ENTPD1: variants seen among roughly 807,000 people sequenced by gnomAD.
The protein encoded by ENTPD1 is ectonucleoside triphosphate diphosphohydrolase 1.
ENTPD1 carries 33 observed loss-of-function variants against 57.0 expected under a neutral mutation model. That is an observed-to-expected ratio of 0.58 (90% CI 0.44 to 0.77). The LOEUF is 0.77. ENTPD1 is among the 30% of genes least tolerant of loss of function. The pLI, the probability that ENTPD1 is intolerant of heterozygous loss-of-function variation, is 0.00. For synonymous variants in ENTPD1, 202 were observed against 218.8 expected (o/e 0.92, Z 0.68); for missense variants, 501 against 603.4 (o/e 0.83, Z 1.78).
chr10:95,860,566 C>T lies in ENTPD1; in HGVS notation c.1172C>T (p.Ala391Val), dbSNP rs1312715822. The change falls in exon 8 of 10, where the codon GCT becomes GTT. Residue 391 changes from alanine to valine, a missense_variant. Ala to Val is a moderately conservative substitution (Grantham distance 64, BLOSUM62 0). Coordinates refer to ENST00000371205, the MANE Select transcript of ENTPD1 (RefSeq NM_001776.6). ...KVTEMMKKFCAQPWEEIKTSY... is the reference protein window; with the variant it reads ...KVTEMMKKFCVQPWEEIKTSY... ...ACTGAGATGATGAAAAAGTTCTGTG[C>T]TCAGCCTTGGGAGGAGGTAAGTGAC... 2 of 1,613,718 alleles carry T rather than the reference C, an allele frequency of 1.2e-6. No individual in the cohort carries two copies. The highest frequency in any genetic ancestry group is 2.2e-5 in the East Asian group (1 of 44,864).
At chr10:95,750,673 G>A (rs769734265), upstream of ENTPD1, among the ~76,000 whole-genome samples, 5 of 152,184 alleles carry the variant, frequency 3.3e-5, no homozygotes, top group African/African-American at 4.8e-5. Context: ...AGATATATAG[G>A]AGGACCAGGT....
intron 1 of ENTPD1, among the ~76,000 whole-genome samples, chr10:95,784,102 C>CTTTTTTTT (rs200561277): frequency 1.1e-4 from 15 of 134,594 alleles, no homozygotes; most frequent in South Asian, 2.3e-4. Context: ...TTTGCTTGTT[C>CTTTTTTTT]TTTTTTTTTT....
intron 2 of ENTPD1, chr10:95,833,380 A>AT (rs2098402017): frequency 6.6e-6 from 1 of 152,224 alleles, no homozygotes. Context: ...AAGGAAGAAA[A>AT]TGGTCTCTAA....
At chr10:95,694,997 T>G in the ENTPD1 span, among the ~76,000 whole-genome samples, 1 of 148,918 alleles carries the variant, frequency 6.7e-6, no homozygotes, top group Non-Finnish European at 1.5e-5. Flanking sequence ...GCCTCTAGGA[T>G]TCAGGTGATT....
intron 4 of ENTPD1, among the ~76,000 whole-genome samples, chr10:95,844,257 A>C (rs1396495750): frequency 1.3e-5 from 2 of 152,218 alleles, no homozygotes; most frequent in Non-Finnish European, 2.9e-5. Flanking sequence ...AAGGATTGGA[A>C]GGATGTGGAT....
chr10:95,810,992 G>T (rs1490816930), intron 1 of ENTPD1, among the ~76,000 whole-genome samples: 1 of 152,200 alleles, frequency 6.6e-6, no homozygotes, highest in Non-Finnish European at 1.5e-5. Flanking sequence ...TTTCTAAAGT[G>T]CAGATACTCT....
Position 95,872,444 on chromosome 10 carries a change from C to T in ENTPD1, c.*6061C>T. 8 of 985,424 alleles carry T rather than the reference C, an allele frequency of 8.1e-6. No homozygotes were observed. The highest frequency in any genetic ancestry group is 9.6e-6 in the Non-Finnish European group (8 of 829,902). 61.0% of individuals were successfully genotyped at this position (985,424 alleles called of 1,614,324 possible). Reference sequence around the variant, plus strand: ...GTTCACCCAACACCACTCAGGTTGTCTTCTCAACTTGGAATACTCTTGCAC... The same window carrying T: ...GTTCACCCAACACCACTCAGGTTGTTTTCTCAACTTGGAATACTCTTGCAC... On this transcript the variant is annotated 3_prime_UTR_variant, in exon 10 of 10. Transcript: ENST00000371205.
intron 1 of ENTPD1, among the ~76,000 whole-genome samples, chr10:95,781,686 C>T (rs912044555): frequency 1.7e-4 from 26 of 152,228 alleles, no homozygotes; most frequent in Middle Eastern, 3.4e-3. Context: ...AGGGTGGAAA[C>T]GAAAAGAGGG....
At chr10:95,858,048 C>G (rs931945628) in intron 7 of ENTPD1, among the ~76,000 whole-genome samples, 10 of 151,850 alleles carry the variant, frequency 6.6e-5, no homozygotes, top group Admixed American at 4.6e-4. Flanking sequence ...ATCCCAGCTA[C>G]TCGGGAGGCT....
Position 95,864,750 on chromosome 10 carries a change from G to A in ENTPD1, c.1215G>A (p.Lys405=). ...EEIKTSYAGV[K]EKYLSEYCFS... The stretch of plus-strand genomic sequence containing the variant: ...TAAAAACATCTTACGCTGGAGTAAA[G>A]GAGAAGTACCTGAGTGAATACTGCT... The change falls in exon 9 of 10, where the codon AAG becomes AAA. Residue 405 remains lysine, a synonymous_variant. Coordinates refer to ENST00000371205, the MANE Select transcript of ENTPD1 (RefSeq NM_001776.6). 1 of 1,614,132 alleles carries A rather than the reference G, an allele frequency of 6.2e-7. No individual in the cohort carries two copies. Among genetic ancestry groups the A allele is most frequent in the South Asian group, 1.1e-5 (1 of 91,078 alleles).
intron 1 of ENTPD1, among the ~76,000 whole-genome samples, chr10:95,808,753 C>G (rs1212112403): frequency 6.9e-6 from 1 of 145,858 alleles, no homozygotes; most frequent in Non-Finnish European, 1.5e-5. Context: ...GTTGATCATT[C>G]TTGGGTGTTT....
At chr10:95,737,429 A>G (rs1040207734) in intron 1 of ENTPD1, among the ~76,000 whole-genome samples, 2 of 152,022 alleles carry the variant, frequency 1.3e-5, no homozygotes, top group African/African-American at 4.8e-5. Flanking sequence ...CTGTCCCCCA[A>G]GCTGGAGTAC....
chr10:95,735,942 T>A (rs1156687149), intron 1 of ENTPD1, among the ~76,000 whole-genome samples: 1 of 151,862 alleles, frequency 6.6e-6, no homozygotes, highest in Non-Finnish European at 1.5e-5. Flanking sequence ...AGCTGAACAA[T>A]GAATTTGAAA....
intron 1 of ENTPD1, among the ~76,000 whole-genome samples, chr10:95,715,012 C>G (rs2097969897): frequency 6.6e-6 from 1 of 152,096 alleles, no homozygotes. Flanking sequence ...AGAGTTATTC[C>G]CCTCGGTTAT....
intron 1 of ENTPD1, among the ~76,000 whole-genome samples, chr10:95,788,215 A>C (rs1310337059): frequency 6.6e-6 from 1 of 152,216 alleles, no homozygotes; most frequent in South Asian, 2.1e-4. Flanking sequence ...TTTTTTAAGA[A>C]GGCAGATTTA....
chr10:95,771,751 A>G (rs1210769195), intron 1 of ENTPD1, among the ~76,000 whole-genome samples: 1 of 152,202 alleles, frequency 6.6e-6, no homozygotes, highest in Non-Finnish European at 1.5e-5. Flanking sequence ...CTTCTCAGAT[A>G]CATTTTCTCT....
chr10:95,823,271 CCTAGCCATCCTTG>C lies in ENTPD1; in HGVS notation c.52_64del (p.Leu18AlafsTer6). 2 of 1,614,158 alleles carry C rather than the reference CCTAGCCATCCTTG, an allele frequency of 1.2e-6. No homozygotes were observed. The highest frequency in any genetic ancestry group is 1.7e-6 in the Non-Finnish European group (2 of 1,180,012). On this transcript the variant is annotated frameshift_variant, in exon 2 of 10. Coordinates refer to ENST00000371205, the MANE Select transcript of ENTPD1 (RefSeq NM_001776.6). LOFTEE classifies it high-confidence loss of function. The stretch of plus-strand genomic sequence containing the variant: ...TGAAGACATTTTGCTCCAAGAATAT[CCTAGCCATCCTTG>C]GCTTCTCCTCTATCATAGCTGTGAT...
At chr10:95,757,007 A>G (rs10748643) in intron 1 of ENTPD1, among the ~76,000 whole-genome samples, 82,000 of 152,020 alleles carry the variant, frequency 0.54, 22,553 homozygotes, top group Admixed American at 0.63. Context: ...TTTTCTGCCA[A>G]GACGGAGAGC....
At chr10:95,773,711 A>G (rs973705681) in intron 1 of ENTPD1, among the ~76,000 whole-genome samples, 1 of 152,082 alleles carries the variant, frequency 6.6e-6, no homozygotes, top group South Asian at 2.1e-4. Context: ...TATGTGCCAC[A>G]TTTTCTTAAT....
Sources: gnomAD v4.1 joint callset for allele counts (sites outside exome capture counted in the v4.1 genomes callset) on GRCh38, gnomAD v4.1.1 for gene constraint, MANE v1.5 for transcripts, NCBI Gene and HGNC (gene_info 2026-07-23, HGNC 2026-07-21) for gene names.